The following HS3ST4 variants were observed in gnomAD, a reference collection of about 807,000 sequenced individuals.
HS3ST4 encodes heparan sulfate glucosamine 3-O-sulfotransferase 4.
In HS3ST4, 17 loss-of-function variants were observed where a neutral mutation model predicts 29.2. That is an observed-to-expected ratio of 0.58 (90% CI 0.40 to 0.87). The LOEUF (loss-of-function observed/expected upper bound fraction) is 0.87. HS3ST4 is among the 40% of genes least tolerant of loss of function. The probability of loss-of-function intolerance (pLI) is 0.00; values close to 1 mark genes in which losing one functional copy is unlikely to be tolerated. For missense variants in HS3ST4, 627 were observed against 634.5 expected, an observed-to-expected ratio of 0.99 and a Z score of 0.13; for synonymous variants, 314 against 285.7, an observed-to-expected ratio of 1.10 and a Z score of -1.00.
chr16:26,114,709 A>C (rs1416986164), intron 1 of HS3ST4, among the ~76,000 whole-genome samples: 2 of 152,168 alleles, frequency 1.3e-5, no homozygotes, highest in African/African-American at 4.8e-5. Flanking sequence ...ACTGGTAGAA[A>C]TGAAGAGAAA....
chr16:26,099,650 C>A (rs1898968977), intron 1 of HS3ST4, among the ~76,000 whole-genome samples: 1 of 152,120 alleles, frequency 6.6e-6, no homozygotes, highest in Non-Finnish European at 1.5e-5. Context: ...ATTTATTTGT[C>A]CATTTAACAA....
intron 1 of HS3ST4, among the ~76,000 whole-genome samples, chr16:26,119,727 T>G (rs925933180): frequency 2.6e-5 from 4 of 152,168 alleles, no homozygotes; most frequent in African/African-American, 9.7e-5. Flanking sequence ...CTTCCATCAT[T>G]GAACAAATAT....
Position 25,981,420 on chromosome 16 carries a change from C to G in HS3ST4, c.735-154192C>G, listed in dbSNP as rs990540407. On this transcript the variant is annotated intron_variant, in intron 1 of 1. Coordinates refer to ENST00000331351, the MANE Select transcript of HS3ST4 (RefSeq NM_006040.3). ...ATATGAAAGGTGCGAGTTATTTGCT[C>G]TCTTTAGGAACTAGCTTACTCTTGG... Among the ~76,000 whole-genome samples the G allele has an allele frequency of 1.1e-4, 17 of 152,018 alleles. No homozygotes were observed. The East Asian group carries it at 2.1e-3, about 19-fold the overall frequency.
intron 1 of HS3ST4, among the ~76,000 whole-genome samples, chr16:25,820,100 A>T (rs2141633024): frequency 6.7e-6 from 1 of 149,866 alleles, no homozygotes; most frequent in African/African-American, 2.4e-5. Context: ...CCTCGTGTGA[A>T]TGTGTAGATC....
chr16:25,889,970 G>A (rs1466290113), intron 1 of HS3ST4, among the ~76,000 whole-genome samples: 3 of 152,050 alleles, frequency 2.0e-5, no homozygotes, highest in Non-Finnish European at 4.4e-5. Context: ...CACCATGATT[G>A]TGAGGCCTCC....
intron 1 of HS3ST4, among the ~76,000 whole-genome samples, chr16:25,995,970 C>T (rs890115133): frequency 1.1e-4 from 16 of 145,628 alleles, no homozygotes; most frequent in African/African-American, 3.6e-4. Context: ...CTAAGAAGTA[C>T]ATTTGCTTCA....
At chr16:26,005,187 A>G (rs1422324650) in intron 1 of HS3ST4, among the ~76,000 whole-genome samples, 3 of 152,218 alleles carry the variant, frequency 2.0e-5, no homozygotes, top group African/African-American at 7.2e-5. Flanking sequence ...AAAAATCCAC[A>G]GTAGGAGGAG....
chr16:25,957,273 C>T (rs561633411), intron 1 of HS3ST4, among the ~76,000 whole-genome samples: 6 of 152,326 alleles, frequency 3.9e-5, no homozygotes, highest in Admixed American at 3.9e-4. Context: ...TGAACCCCTT[C>T]CCCTGCCTCT....
intron 1 of HS3ST4, among the ~76,000 whole-genome samples, chr16:25,971,544 A>AC (rs1968897021): frequency 6.6e-6 from 1 of 152,060 alleles, no homozygotes; most frequent in Non-Finnish European, 1.5e-5. Flanking sequence ...TCAGCAATAG[A>AC]CCCCTTCAGT....
intron 1 of HS3ST4, among the ~76,000 whole-genome samples, chr16:26,046,142 GA>G (rs1490248975): frequency 6.8e-6 from 1 of 146,538 alleles, no homozygotes; most frequent in African/African-American, 2.6e-5. Context: ...GTAAGGACAG[GA>G]AATTTTTTTT....
intron 1 of HS3ST4, among the ~76,000 whole-genome samples, chr16:25,806,684 C>T (rs1322384330): frequency 6.6e-6 from 1 of 152,108 alleles, no homozygotes; most frequent in Non-Finnish European, 1.5e-5. Flanking sequence ...AGATAGCATA[C>T]ATTCCTCATG....
intron 1 of HS3ST4, among the ~76,000 whole-genome samples, chr16:25,999,835 ATATATATTTTATATATATTATATATATAT>A (rs1567290760): frequency 3.8e-5 from 4 of 106,160 alleles, no homozygotes; most frequent in East Asian, 2.4e-4. Context: ...TTTATATATT[ATATATATTTTATATATATTATATATATAT>A]TATATATTTT....
intron 1 of HS3ST4, among the ~76,000 whole-genome samples, chr16:25,767,340 A>G (rs575426155): frequency 6.6e-6 from 1 of 152,224 alleles, no homozygotes; most frequent in East Asian, 1.9e-4. Flanking sequence ...CTACAGTGCA[A>G]ATACCCAGTG....
intron 1 of HS3ST4, among the ~76,000 whole-genome samples, chr16:25,724,954 G>C (rs550810829): frequency 6.9e-6 from 1 of 145,802 alleles, no homozygotes; most frequent in South Asian, 2.2e-4. Context: ...CTTTCCTTTT[G>C]TCCCCTGGGG....
chr16:25,851,221 G>T (rs1967518351), intron 1 of HS3ST4, among the ~76,000 whole-genome samples: 1 of 152,138 alleles, frequency 6.6e-6, no homozygotes, highest in Non-Finnish European at 1.5e-5. Flanking sequence ...CCATGCAGAT[G>T]GATGCCTGGC....
At chr16:26,097,023 C>G (rs1266001771) in intron 1 of HS3ST4, among the ~76,000 whole-genome samples, 3 of 152,132 alleles carry the variant, frequency 2.0e-5, no homozygotes, top group African/African-American at 4.8e-5. Context: ...ATCCAACTTA[C>G]AAGGGATGTG....
intron 1 of HS3ST4, among the ~76,000 whole-genome samples, chr16:25,843,406 C>T (rs945841824): frequency 1.3e-5 from 2 of 152,248 alleles, no homozygotes; most frequent in African/African-American, 4.8e-5. Flanking sequence ...CAAAAGACCC[C>T]GTGGAAACTG....
intron 1 of HS3ST4, among the ~76,000 whole-genome samples, chr16:25,761,220 A>G (rs552307607): frequency 2.0e-5 from 3 of 152,150 alleles, no homozygotes; most frequent in South Asian, 2.1e-4. Flanking sequence ...GTCCATCACC[A>G]TGCATCATTA....
intron 1 of HS3ST4, among the ~76,000 whole-genome samples, chr16:25,855,313 G>A (rs532462877): frequency 1.1e-4 from 16 of 152,220 alleles, no homozygotes; most frequent in Non-Finnish European, 1.8e-4. Context: ...GGTGGTAAAT[G>A]TCTCCTTTTG....
Sources: allele counts gnomAD v4.1 joint callset (sites outside exome capture counted in the v4.1 genomes callset), GRCh38; gene constraint gnomAD v4.1.1; transcripts MANE v1.5; gene names NCBI Gene and HGNC (gene_info 2026-07-23, HGNC 2026-07-21).